Variants in CASZ1 observed in about 807,000 individuals in gnomAD.
CASZ1 encodes zinc finger protein castor homolog 1.
CASZ1 carries 28 observed loss-of-function variants against 135.2 expected under a neutral mutation model. The observed-to-expected ratio is 0.21, with a 90% CI of 0.15 to 0.28. The LOEUF is 0.28. Ranked by LOEUF, CASZ1 falls within the 10% of genes least tolerant of loss-of-function variation. The pLI is 1.00. For synonymous variants in CASZ1, 1,068 were observed against 1,073.4 expected (o/e 0.99, Z 0.10); for missense variants, 2,161 against 2,453.3 (o/e 0.88, Z 2.52).
chr1:10,694,383 C>A lies in CASZ1; in HGVS notation c.-23-471G>T. 4.9e-6 allele frequency: 5 copies of A among 1,023,370 alleles called. No homozygotes were observed. The highest frequency in any genetic ancestry group is 3.8e-5 in the South Asian group (2 of 52,344). The allele number at this position is 1,023,370 out of a possible 1,614,324, so 63.4% of individuals were successfully genotyped here. A position where few individuals can be genotyped will look rare whatever the true frequency, so the allele number is the denominator to read the frequency against. On this transcript the variant is annotated intron_variant, in intron 3 of 20. Coordinates refer to ENST00000377022, the MANE Select transcript of CASZ1 (RefSeq NM_001079843.3). This position sits in a 1 kb window ranked among gnomAD's most constrained non-coding sequence, Gnocchi z 6.6. ...ATGCCTAATTGCAACTGATTACTCC[C>A]CGAATAACAAGTTGTTTTAAAGCCC... is the stretch of plus-strand genomic sequence containing the variant.
At chr1:10,686,088 C>G (rs1638577567) in intron 4 of CASZ1, among the ~76,000 whole-genome samples, 3 of 152,130 alleles carry the variant, frequency 2.0e-5, no homozygotes, top group Admixed American at 2.0e-4. Flanking sequence ...CCGTGGCCCC[C>G]ACCTGACCCC....
intron 1 of CASZ1, among the ~76,000 whole-genome samples, chr1:10,766,335 C>T (rs1451440962): frequency 6.6e-6 from 1 of 152,250 alleles, no homozygotes; most frequent in East Asian, 1.9e-4. Context: ...CACCCACAAG[C>T]TGTGTGGCTC....
At chr1:10,702,021 A>T (rs996934554) in intron 3 of CASZ1, among the ~76,000 whole-genome samples, 1 of 152,300 alleles carries the variant, frequency 6.6e-6, no homozygotes, top group African/African-American at 2.4e-5. Context: ...CAGCAGGTGG[A>T]TCCACTCAGA....
rs1304051538 is a variant in CASZ1 at position 10,759,061 on chromosome 1, C to T, written c.-77+1640G>A. ...CTTCAGAAAGGGAAAAACGAATAGG[C>T]GTGTTTTGCCCAGGCAAAGAAGAAA... On this transcript the variant is annotated intron_variant, in intron 2 of 20. Transcript: ENST00000377022. The surrounding 1 kb of genome is among the most constrained non-coding windows in gnomAD (Gnocchi z 4.2). Among the ~76,000 whole-genome samples the T allele has an allele frequency of 1.3e-5, 2 of 152,174 alleles. No individual in the cohort carries two copies. The highest frequency in any genetic ancestry group is 2.1e-4 in the South Asian group (1 of 4,830).
chr1:10,730,580 T>A (rs1639685976), intron 2 of CASZ1, among the ~76,000 whole-genome samples: 1 of 152,152 alleles, frequency 6.6e-6, no homozygotes. Flanking sequence ...AAATTGTGAT[T>A]TTTCAGATTT....
At chr1:10,778,923 C>A (rs562098597) in intron 1 of CASZ1, among the ~76,000 whole-genome samples, 6 of 152,292 alleles carry the variant, frequency 3.9e-5, no homozygotes, top group African/African-American at 1.4e-4. Context: ...CCCCTACATC[C>A]CACCTCCCAT....
In CASZ1 at chr1:10,649,074, C is replaced by A. The variant is rs1393024089; in HGVS notation, c.3154G>T (p.Ala1052Ser). 2.5e-6 allele frequency: 4 copies of A among 1,612,912 alleles called. No homozygotes were observed. Among genetic ancestry groups the A allele is most frequent in the Non-Finnish European group, 3.4e-6 (4 of 1,179,932 alleles). ...GGCCCCCAGCACCCTACTCACTTTGCGTGCTTGATGGCCCCGTCCAAGGTG... is the reference window on the plus strand; with the variant it reads ...GGCCCCCAGCACCCTACTCACTTTGAGTGCTTGATGGCCCCGTCCAAGGTG... Reference protein sequence around the residue: ...FSTLDGAIKHANFHFRTEGGA... With the variant: ...FSTLDGAIKHSNFHFRTEGGA... The change falls in exon 15 of 21, where the codon GCA (alanine) becomes TCA (serine). Residue 1052 changes from alanine (A) to serine (S), a missense_variant. Around this residue, in one of 7 missense-constraint regions of CASZ1, gnomAD observed 349 missense variants for 460.8 expected, o/e 0.76. Transcript: ENST00000377022.
rs374464130 is a variant in CASZ1, at chr1:10,740,960, C to CAAAAAAA, written c.-77+19734_-77+19740dup. Among the ~76,000 whole-genome samples, 394 of 61,470 alleles carry CAAAAAAA rather than the reference C, an allele frequency of 6.4e-3. 14 individuals carry two copies. The highest frequency in any genetic ancestry group is 0.029 in the Middle Eastern group (2 of 70). The allele number at this position is 61,470 out of a possible 152,430, so 40.3% of individuals were successfully genotyped here. ...GCGACAGGGTGAGACCCTGTCTGGACAAAAAAAAAAAAAAAAAGAAAAAAA... is the reference window on the plus strand; with the variant it reads ...GCGACAGGGTGAGACCCTGTCTGGACAAAAAAAAAAAAAAAAAAAAAAAAGAAAAAAA... On this transcript the variant is annotated intron_variant, in intron 2 of 20. Coordinates refer to ENST00000377022, the MANE Select transcript of CASZ1 (RefSeq NM_001079843.3).
intron 2 of CASZ1, among the ~76,000 whole-genome samples, chr1:10,753,988 G>A (rs1640199176): frequency 1.3e-5 from 2 of 152,092 alleles, no homozygotes; most frequent in Admixed American, 6.5e-5. Flanking sequence ...ACTTCAGATG[G>A]CATCTGCCCC....
chr1:10,708,180 C>G (rs2100449981), intron 2 of CASZ1, among the ~76,000 whole-genome samples: 1 of 152,326 alleles, frequency 6.6e-6, no homozygotes, highest in Middle Eastern at 3.4e-3. Flanking sequence ...AGCTTCCAGG[C>G]TATGGGGCTG....
At chr1:10,662,141 ACT>A (rs941315975) in intron 5 of CASZ1, among the ~76,000 whole-genome samples, 3 of 151,580 alleles carry the variant, frequency 2.0e-5, no homozygotes, top group Non-Finnish European at 4.4e-5. Context: ...ATTCGCATAC[ACT>A]CACACACCTA....
intron 2 of CASZ1, among the ~76,000 whole-genome samples, chr1:10,734,702 T>C (rs895040828): frequency 6.6e-6 from 1 of 151,924 alleles, no homozygotes. Flanking sequence ...GAAGGGAAGA[T>C]CTATATAAAC....
chr1:10,779,011 C>T (rs113282821), intron 1 of CASZ1, among the ~76,000 whole-genome samples: 1 of 152,270 alleles, frequency 6.6e-6, no homozygotes, highest in African/African-American at 2.4e-5. Flanking sequence ...CTGCAAGAAG[C>T]GAAGGAATCA....
chr1:10,668,442 G>A (rs953336187), intron 4 of CASZ1, among the ~76,000 whole-genome samples: 1 of 152,232 alleles, frequency 6.6e-6, no homozygotes, highest in African/African-American at 2.4e-5. Flanking sequence ...CACTTCCTCT[G>A]GGAACAATAC....
intron 1 of CASZ1, among the ~76,000 whole-genome samples, chr1:10,786,294 C>A (rs138856983): frequency 2.2e-4 from 34 of 152,324 alleles, no homozygotes; most frequent in Non-Finnish European, 3.7e-4. Context: ...GCCCCTGCCC[C>A]ACTTGAGGGA....
chr1:10,793,185 A>G (rs1158807185), intron 1 of CASZ1, among the ~76,000 whole-genome samples: 1 of 150,710 alleles, frequency 6.6e-6, no homozygotes, highest in African/African-American at 2.5e-5. Context: ...TTTAAACAAT[A>G]GCTTTTTTAA....
intron 1 of CASZ1, among the ~76,000 whole-genome samples, chr1:10,785,294 C>G (rs550952199): frequency 6.6e-6 from 1 of 150,744 alleles, no homozygotes; most frequent in East Asian, 1.9e-4. Context: ...CTTTCTCTTT[C>G]CTTCCCTCCC....
At chr1:10,729,424 C>G (rs956293195) in intron 2 of CASZ1, among the ~76,000 whole-genome samples, 4 of 152,094 alleles carry the variant, frequency 2.6e-5, no homozygotes, top group Non-Finnish European at 5.9e-5. Context: ...ACCCCCTTAG[C>G]TATCTTTCCC....
intron 2 of CASZ1, among the ~76,000 whole-genome samples, chr1:10,753,250 C>T (rs907105753): frequency 7.9e-5 from 12 of 152,182 alleles, no homozygotes; most frequent in Admixed American, 2.6e-4. Flanking sequence ...ACAGTTCCTA[C>T]GGGGTGAGCA....
Sources: gnomAD v4.1 joint callset for allele counts (sites outside exome capture counted in the v4.1 genomes callset) on GRCh38, gnomAD v4.1.1 for gene constraint, gnomAD v4.1.1 regional missense constraint, Gnocchi (gnomAD v3.1) non-coding constraint, MANE v1.5 for transcripts, NCBI Gene and HGNC (gene_info 2026-07-23, HGNC 2026-07-21) for gene names.